The following ALS2 variants were observed in gnomAD, a reference collection of about 807,000 sequenced individuals.
The protein encoded by ALS2 is alsin.
A neutral mutation model predicts 203.4 loss-of-function variants in ALS2; 117 were observed. The ratio of observed to expected loss-of-function variants is 0.58; its 90% CI spans 0.50 to 0.67. ALS2 has a LOEUF of 0.67. ALS2 is among the 30% of genes least tolerant of loss of function. The probability of loss-of-function intolerance (pLI) is 0.00; values close to 1 mark genes in which losing one functional copy is unlikely to be tolerated. For missense variants in ALS2, 1,715 were observed against 1,989.4 expected (o/e 0.86, Z 2.62); for synonymous variants, 718 against 725.9 (o/e 0.99, Z 0.17).
At position 201,706,960 on chromosome 2, in the gene ALS2, A is replaced by G. The variant is rs1057524356; in HGVS notation, c.4466T>C (p.Leu1489Pro). The change falls in exon 29 of 34, where the codon CTG (leucine) becomes CCG (proline). Residue 1489 changes from leucine to proline, a missense_variant. Transcript: ENST00000264276. ...PVLLPRLYPP[L>P]FMLYALDNDR... is the part of the protein sequence containing the mutation. ...ATTATCCAAAGCATAAAGCATAAACAGCGGTGGGTAGAGCCGAGGTAGCAG... is the reference window on the plus strand; with the variant it reads ...ATTATCCAAAGCATAAAGCATAAACGGCGGTGGGTAGAGCCGAGGTAGCAG... 1 of 1,614,090 alleles carries G rather than the reference A, an allele frequency of 6.2e-7. No homozygotes were observed. Among genetic ancestry groups the G allele is most frequent in the Non-Finnish European group, 8.5e-7 (1 of 1,179,972 alleles).
At chr2:201,728,716 C>A in intron 14 of ALS2, 76 bp from the exon 15 acceptor site, 2 of 1,534,654 alleles carry the variant, frequency 1.3e-6, no homozygotes, top group Non-Finnish European at 8.9e-7. Flanking sequence ...ATAAAACAGA[C>A]ACAAATCACA....
rs1013148971 is a variant in ALS2, at chr2:201,759,282, A to C, written c.1114-1523T>G. 1.2e-3 allele frequency among the ~76,000 whole-genome samples: 189 copies of C among 152,202 alleles called. 2 individuals carry two copies. The highest frequency in any genetic ancestry group is 4.4e-3 in the African/African-American group (182 of 41,456). On this transcript the variant is annotated intron_variant, in intron 4 of 33. Coordinates refer to ENST00000264276, the MANE Select transcript of ALS2 (RefSeq NM_020919.4). ...TTTTGATGAAATATATAATTTTAGGAGTTCCAGTCAACCAGTAATACTTTG... is the reference window on the plus strand; with the variant it reads ...TTTTGATGAAATATATAATTTTAGGCGTTCCAGTCAACCAGTAATACTTTG...
At chr2:201,765,700 AG>A (rs923754801) in intron 3 of ALS2, 10 of 167,138 alleles carry the variant, frequency 6.0e-5, no homozygotes, top group African/African-American at 2.4e-4. Flanking sequence ...TTGGTGCCCA[AG>A]TCAAATTTGT....
At chr2:201,767,039 A>G (rs947143141) in intron 3 of ALS2, among the ~76,000 whole-genome samples, 190 bp downstream of exon 3, 3 of 151,708 alleles carry the variant, frequency 2.0e-5, no homozygotes, top group Non-Finnish European at 4.4e-5. Flanking sequence ...ACATGTATAC[A>G]TAAGTAACAA....
chr2:201,723,300 G>A, intron 22 of ALS2, 30 bp downstream of exon 22: 4 of 1,548,642 alleles, frequency 2.6e-6, no homozygotes, highest in Non-Finnish European at 3.6e-6. Flanking sequence ...TAAAAAGTTA[G>A]TAATAACTAC....
At chr2:201,724,027 A>C (rs908183841) in intron 21 of ALS2, among the ~76,000 whole-genome samples, 4 of 152,146 alleles carry the variant, frequency 2.6e-5, no homozygotes, top group Non-Finnish European at 5.9e-5. Context: ...CTGAGGTAGG[A>C]GGATCCCTTG....
intron 23 of ALS2, among the ~76,000 whole-genome samples, chr2:201,720,539 CAAAAAAAAA>C (rs34418114): frequency 3.3e-3 from 218 of 66,520 alleles, no homozygotes; most frequent in African/African-American, 0.012. Flanking sequence ...TCTGTCTCTA[CAAAAAAAAA>C]AAAAAAAAAA....
rs1439138681 is a variant in ALS2, at chr2:201,715,836, CCTG to C, written c.3837_3839del (p.Phe1279_Arg1280delinsLeu). 1 of 1,614,218 alleles carries C rather than the reference CCTG, an allele frequency of 6.2e-7. No individual in the cohort carries two copies. Among genetic ancestry groups the C allele is most frequent in the African/African-American group, 1.3e-5 (1 of 75,058 alleles). ...CTGGCACTGCCAGGTTTCCTAGCTT[CCTG>C]CTAATAAAGTCATATCAACCTTTTA... On this transcript the variant is annotated inframe_deletion and splice_region_variant, in exon 25 of 34. Coordinates refer to ENST00000264276, the MANE Select transcript of ALS2 (RefSeq NM_020919.4).
Position 201,749,790 on chromosome 2 carries a change from C to T in ALS2, c.1738-1G>A, listed in dbSNP as rs1349710547. 6.2e-7 allele frequency: 1 copy of T among 1,613,634 alleles called. No individual in the cohort carries two copies. The highest frequency in any genetic ancestry group is 8.5e-7 in the Non-Finnish European group (1 of 1,179,706). On this transcript the variant is annotated splice_acceptor_variant, in intron 7 of 33. Transcript: ENST00000264276. LOFTEE classifies it high-confidence loss of function. ...AGGTATTGCTACCCCATGAGTAAAC[C>T]TATCAAAAAAACACAGAAAAGTAGC...
chr2:201,729,867 G>A lies in ALS2; in HGVS notation c.2581-684C>T, dbSNP rs188082909. On this transcript the variant is annotated intron_variant, in intron 13 of 33. Transcript: ENST00000264276. ...TGCACTCCAGTCTGGGCAACAGAGC[G>A]AGACTCCGTCTCAAAAAAAAAAAAA... 3.0e-3 allele frequency among the ~76,000 whole-genome samples: 375 copies of A among 123,724 alleles called. 5 individuals are homozygous for A. Among genetic ancestry groups the A allele is most frequent in the Non-Finnish European group, 8.7e-4 (54 of 61,718 alleles). 81.2% of individuals were successfully genotyped at this position (123,724 alleles called of 152,430 possible). A position where few individuals can be genotyped will look rare whatever the true frequency, so the allele number is the denominator to read the frequency against.
intron 30 of ALS2, 90 bp from the exon 31 acceptor site, chr2:201,705,290 G>GT (rs1334204165): frequency 1.5e-5 from 22 of 1,477,118 alleles, no homozygotes; most frequent in Non-Finnish European, 2.1e-5. Flanking sequence ...CAGGTCTTTG[G>GT]TAATAACAGA....
At chr2:201,733,234 T>G in intron 13 of ALS2, 42 bp downstream of exon 13, 4 of 1,605,498 alleles carry the variant, frequency 2.5e-6, no homozygotes, top group Non-Finnish European at 2.6e-6. Flanking sequence ...ACTATGATCC[T>G]TGGCTTTCCA....
chr2:201,759,541 A>C (rs2106084645), intron 4 of ALS2: 1 of 982,162 alleles, frequency 1.0e-6, no homozygotes, highest in East Asian at 1.1e-4. Context: ...TTAACAAAGT[A>C]AGTAAAATGT....
intron 1 of ALS2, among the ~76,000 whole-genome samples, chr2:201,772,649 C>T (rs2106111915): frequency 6.6e-6 from 1 of 152,220 alleles, no homozygotes; most frequent in East Asian, 1.9e-4. Flanking sequence ...CCAAAATGCA[C>T]CTTGCCCCAA....
In ALS2 at chr2:201,726,681, T is replaced by C; in HGVS notation, c.3165A>G (p.Ser1055=). ...ATTTTCACCTGCCATGAGGCTTCCC[T>C]GAAAGCCAGCGTCCATCATAGGTGG... The part of the protein sequence containing the change: ...KDATYDGRWL[S]GKPHGRGVLK... The change falls in exon 18 of 34, where the codon TCA becomes TCG. Residue 1055 remains serine (S), a synonymous_variant. Transcript: ENST00000264276. The C allele has an allele frequency of 6.2e-7, 1 of 1,614,204 alleles. No individual in the cohort carries two copies. Among genetic ancestry groups the C allele is most frequent in the African/African-American group, 1.3e-5 (1 of 75,052 alleles).
rs1347637377 is a variant in ALS2, at chr2:201,757,307, T to C, written c.1471+95A>G. 20 of 1,029,502 alleles carry C rather than the reference T, an allele frequency of 1.9e-5. No homozygotes were observed. The Middle Eastern group carries it at 8.7e-4, about 45-fold the overall frequency. The allele number at this position is 1,029,502 out of a possible 1,614,324, so 63.8% of individuals were successfully genotyped here. ...TTCACATTTGAATATGTCAGCTTCATAATTAGGACAGCTTTTTTAATAATA... is the reference window on the plus strand; with the variant it reads ...TTCACATTTGAATATGTCAGCTTCACAATTAGGACAGCTTTTTTAATAATA... On this transcript the variant is annotated intron_variant, in intron 5 of 33. Transcript: ENST00000264276.
intron 11 of ALS2, among the ~76,000 whole-genome samples, chr2:201,739,967 A>G (rs1692161472): frequency 6.6e-6 from 1 of 152,188 alleles, no homozygotes; most frequent in Admixed American, 6.5e-5. Context: ...ATTAGCCCAC[A>G]GTACTATACA....
intron 12 of ALS2, among the ~76,000 whole-genome samples, chr2:201,734,349 C>A (rs1246358330): frequency 6.6e-6 from 1 of 152,040 alleles, no homozygotes; most frequent in Non-Finnish European, 1.5e-5. Flanking sequence ...GAAGCGCACA[C>A]CTGTAGTCCC....
At chr2:201,720,839 G>A (rs745421245) in intron 23 of ALS2, among the ~76,000 whole-genome samples, 8 of 152,018 alleles carry the variant, frequency 5.3e-5, no homozygotes, top group Non-Finnish European at 1.0e-4. Flanking sequence ...TCTAGCCAGT[G>A]CAACTGGACA....
Sources: gnomAD v4.1 joint callset for allele counts (sites outside exome capture counted in the v4.1 genomes callset) on GRCh38, gnomAD v4.1.1 for gene constraint, MANE v1.5 for transcripts, NCBI Gene and HGNC (gene_info 2026-07-23, HGNC 2026-07-21) for gene names.